Variants in GRIA1 observed in about 807,000 individuals in gnomAD.
GRIA1 encodes the protein glutamate ionotropic receptor AMPA type subunit 1, also known as glutamate receptor 1.
GRIA1 carries 31 observed loss-of-function variants against 99.2 expected under a neutral mutation model. That is an observed-to-expected ratio of 0.31 (90% CI 0.23 to 0.42). GRIA1 has a LOEUF of 0.42. Ranked by LOEUF, GRIA1 falls within the 10% of genes least tolerant of loss-of-function variation. The pLI is 1.00. For synonymous variants in GRIA1, 438 were observed against 432.4 expected (o/e 1.01, Z -0.16); for missense variants, 782 against 1,157.5 (o/e 0.68, Z 4.71).
intron 10 of GRIA1, among the ~76,000 whole-genome samples, chr5:153,705,370 C>A (rs1024367100): frequency 6.6e-6 from 1 of 152,134 alleles, no homozygotes; most frequent in Admixed American, 6.6e-5. Context: ...AAGAATGGTT[C>A]TCCTGCCAGA....
chr5:153,616,456 T>A (rs1766510381), intron 2 of GRIA1, among the ~76,000 whole-genome samples: 1 of 149,354 alleles, frequency 6.7e-6, no homozygotes, highest in Non-Finnish European at 1.5e-5. Context: ...TACACCAACA[T>A]CAATGATGAG....
rs1408793480 is a variant in GRIA1, at chr5:153,493,993, A to G, written c.148A>G (p.Thr50Ala). Residue 50 changes from threonine to alanine, a missense_variant, in exon 2 of 16, where the codon ACA (threonine) becomes GCA (alanine). This residue lies in a region of GRIA1 where 461 missense variants were observed against 521.7 expected (regional missense o/e 0.88). Transcript: ENST00000285900. ...TTTTAGATTTGCTTTGTCGCAACTC[A>G]CAGAGCCCCCGAAGCTGCTCCCCCA... The part of the protein sequence containing the change: ...AAFRFALSQL[T>A]EPPKLLPQID... The G allele has an allele frequency of 3.7e-6, 6 of 1,613,934 alleles. No individual in the cohort carries two copies. In the East Asian group the frequency reaches 1.3e-4, roughly 36 times the overall value.
At chr5:153,549,191 A>G (rs1759889288) in intron 2 of GRIA1, among the ~76,000 whole-genome samples, 1 of 152,186 alleles carries the variant, frequency 6.6e-6, no homozygotes, top group Non-Finnish European at 1.5e-5. Context: ...GATAATTGAG[A>G]TGGTACACAT....
At chr5:153,590,221 G>T (rs1164355622) in intron 2 of GRIA1, among the ~76,000 whole-genome samples, 1 of 146,220 alleles carries the variant, frequency 6.8e-6, no homozygotes, top group Non-Finnish European at 1.5e-5. Flanking sequence ...AATTACATCA[G>T]TTCGAAAAAA....
At chr5:153,677,638 A>ATGTT (rs1756684310) in intron 7 of GRIA1, among the ~76,000 whole-genome samples, 1 of 152,210 alleles carries the variant, frequency 6.6e-6, no homozygotes, top group Non-Finnish European at 1.5e-5. Context: ...TTCATCAATT[A>ATGTT]TGTTTGCACT....
chr5:153,589,076 T>C (rs996315678), intron 2 of GRIA1, among the ~76,000 whole-genome samples: 3 of 152,174 alleles, frequency 2.0e-5, no homozygotes, highest in African/African-American at 7.2e-5. Flanking sequence ...GGAAATAAAA[T>C]TCTGTTCCTC....
chr5:153,575,895 C>T (rs559365939), intron 2 of GRIA1, among the ~76,000 whole-genome samples: 1 of 152,252 alleles, frequency 6.6e-6, no homozygotes, highest in East Asian at 1.9e-4. Flanking sequence ...TTTGTGTGAC[C>T]TTGTATACAA....
chr5:153,746,420 G>A (rs565920728), intron 11 of GRIA1, among the ~76,000 whole-genome samples: 1 of 152,316 alleles, frequency 6.6e-6, no homozygotes, highest in East Asian at 1.9e-4. Flanking sequence ...AATTAAAGCA[G>A]AAGTGCATAT....
At chr5:153,756,950 T>A (rs1367134008) in intron 11 of GRIA1, among the ~76,000 whole-genome samples, 1 of 152,174 alleles carries the variant, frequency 6.6e-6, no homozygotes, top group African/African-American at 2.4e-5. Context: ...AAGTATGACC[T>A]CACCTAATGG....
intron 2 of GRIA1, among the ~76,000 whole-genome samples, chr5:153,548,071 G>T (rs771502179): frequency 2.2e-4 from 34 of 152,084 alleles, no homozygotes; most frequent in Non-Finnish European, 4.3e-4. Context: ...TACATCACTT[G>T]CATGAATTTT....
At chr5:153,644,150 G>C (rs1332759791) in intron 2 of GRIA1, among the ~76,000 whole-genome samples, 1 of 152,186 alleles carries the variant, frequency 6.6e-6, no homozygotes, top group Non-Finnish European at 1.5e-5. Flanking sequence ...ATGATGGATT[G>C]TGCATTTTGA....
chr5:153,730,712 G>A (rs1249019296), intron 11 of GRIA1, among the ~76,000 whole-genome samples: 1 of 152,104 alleles, frequency 6.6e-6, no homozygotes, highest in Non-Finnish European at 1.5e-5. Flanking sequence ...GAGCAGCCTT[G>A]AAAGTAAAGC....
intron 2 of GRIA1, among the ~76,000 whole-genome samples, chr5:153,565,038 AT>A (rs1305388078): frequency 6.6e-6 from 1 of 152,126 alleles, no homozygotes; most frequent in East Asian, 1.9e-4. Flanking sequence ...TATAATTTTA[AT>A]TTTCCCCCCT....
intron 2 of GRIA1, among the ~76,000 whole-genome samples, chr5:153,586,056 A>G (rs1763458585): frequency 6.6e-6 from 1 of 152,030 alleles, no homozygotes; most frequent in South Asian, 2.1e-4. Context: ...TCAAGCTATC[A>G]GCATGATGTC....
chr5:153,725,146 TA>T (rs1760414835), intron 11 of GRIA1, among the ~76,000 whole-genome samples: 1 of 149,434 alleles, frequency 6.7e-6, no homozygotes, highest in Non-Finnish European at 1.5e-5. Flanking sequence ...CCAGCCAAAC[TA>T]AGCTTCATAA....
At chr5:153,578,208 A>G (rs1268886402) in intron 2 of GRIA1, among the ~76,000 whole-genome samples, 4 of 151,392 alleles carry the variant, frequency 2.6e-5, no homozygotes, top group African/African-American at 9.7e-5. Flanking sequence ...GAAAAGGAGA[A>G]AGAAAACACG....
At chr5:153,685,172 C>G (rs933390173) in intron 7 of GRIA1, among the ~76,000 whole-genome samples, 1 of 152,220 alleles carries the variant, frequency 6.6e-6, no homozygotes, top group African/African-American at 2.4e-5. Context: ...CCTCACCTCA[C>G]TGGCCTTAGG....
Position 153,490,915 on chromosome 5 carries a change from C to A in GRIA1, c.27C>A (p.Cys9Ter). The A allele has an allele frequency of 6.2e-7, 1 of 1,614,128 alleles. No homozygotes were observed. The highest frequency in any genetic ancestry group is 8.5e-7 in the Non-Finnish European group (1 of 1,179,988). MQHIFAFF[C>*]TGFLGAVVGA... ...TGCAGCACATTTTTGCCTTCTTCTG[C>A]ACCGGTTTCCTAGGCGCGGTAGTAG... is the stretch of plus-strand genomic sequence containing the variant. Residue 9 changes from cysteine (C) to a stop codon, truncating the protein, a stop_gained, in exon 1 of 16, where the codon TGC becomes TGA. Transcript: ENST00000285900. LOFTEE classifies it high-confidence loss of function.
intron 11 of GRIA1, among the ~76,000 whole-genome samples, chr5:153,748,938 G>A (rs1359580750): frequency 6.6e-6 from 1 of 152,090 alleles, no homozygotes; most frequent in East Asian, 1.9e-4. Flanking sequence ...TCTAAATTGG[G>A]GAGTTTTCAG....
Sources: gnomAD v4.1 joint callset for allele counts (sites outside exome capture counted in the v4.1 genomes callset) on GRCh38, gnomAD v4.1.1 for gene constraint, gnomAD v4.1.1 regional missense constraint, MANE v1.5 for transcripts, NCBI Gene and HGNC (gene_info 2026-07-23, HGNC 2026-07-21) for gene names.